Variants in BLK observed in about 807,000 individuals in gnomAD.
BLK encodes the protein tyrosine-protein kinase Blk.
A neutral mutation model predicts 61.8 loss-of-function variants in BLK; 64 were observed. The ratio of observed to expected loss-of-function variants is 1.03; its 90% CI spans 0.85 to 1.27. BLK has a LOEUF of 1.27. Among genes scored for constraint, BLK ranks in the 50% most tolerant of loss-of-function variants. The pLI, the probability that BLK is intolerant of heterozygous loss-of-function variation, is 0.00. For synonymous variants in BLK, 351 were observed against 272.0 expected (o/e 1.29, Z -2.86); for missense variants, 853 against 660.5 (o/e 1.29, Z -3.19).
At chr8:11,555,740 C>T (rs527672973) in intron 8 of BLK, 7 of 572,872 alleles carry the variant, frequency 1.2e-5, no homozygotes, top group African/African-American at 3.7e-5. Flanking sequence ...TCGCTCCCTC[C>T]TTCGTTCTCT....
At chr8:11,515,400 G>A (rs1198399632) in intron 1 of BLK, among the ~76,000 whole-genome samples, 5 of 152,184 alleles carry the variant, frequency 3.3e-5, no homozygotes, top group Non-Finnish European at 5.9e-5. Flanking sequence ...TAGTGCCAGG[G>A]GTCAGCCATG....
At chr8:11,513,689 C>T (rs1438297212) in intron 1 of BLK, among the ~76,000 whole-genome samples, 1 of 152,206 alleles carries the variant, frequency 6.6e-6, no homozygotes, top group East Asian at 1.9e-4. Flanking sequence ...TCCAGGGAGG[C>T]CTTTGAGGCA....
At chr8:11,546,929 G>A (rs1800673900) in intron 3 of BLK, among the ~76,000 whole-genome samples, 2 of 152,326 alleles carry the variant, frequency 1.3e-5, no homozygotes, top group African/African-American at 2.4e-5. Flanking sequence ...TGTAGGGAAT[G>A]AGCTCAGCCT....
chr8:11,558,175 A>G (rs1801322871), intron 10 of BLK, 137 bp downstream of exon 10: 1 of 826,772 alleles, frequency 1.2e-6, no homozygotes, highest in Non-Finnish European at 2.0e-6. Flanking sequence ...TCCTCTAGGC[A>G]GATATCCCCA....
chr8:11,501,829 G>A (rs930703916), intron 1 of BLK, among the ~76,000 whole-genome samples: 3 of 152,224 alleles, frequency 2.0e-5, no homozygotes, highest in African/African-American at 7.2e-5. Context: ...GGGGCAGGCT[G>A]CAGCCTTAGT....
intron 1 of BLK, among the ~76,000 whole-genome samples, chr8:11,502,603 C>T (rs1263476885): frequency 6.6e-6 from 1 of 152,146 alleles, no homozygotes; most frequent in African/African-American, 2.4e-5. Flanking sequence ...AGTTTTTATA[C>T]CTTAATCTTG....
At chr8:11,535,118 C>A (rs995333101) in intron 1 of BLK, among the ~76,000 whole-genome samples, 2 of 151,294 alleles carry the variant, frequency 1.3e-5, no homozygotes, top group African/African-American at 4.9e-5. Flanking sequence ...TTCAAGGCTG[C>A]AGTGAGCCAT....
At chr8:11,554,034 A>T (rs4841556) in intron 6 of BLK, 36,566 of 153,338 alleles carry the variant, frequency 0.24, 4,991 homozygotes, top group Non-Finnish European at 0.31. Flanking sequence ...TCATCTCCCA[A>T]ATAATGGGTA....
Position 11,500,189 on chromosome 8 carries a change from G to A in BLK, c.-2+5598G>A, listed in dbSNP as rs146879741. Among the ~76,000 whole-genome samples the A allele has an allele frequency of 1.3e-3, 200 of 152,166 alleles. 1 individual carries two copies. Among genetic ancestry groups the A allele is most frequent in the Non-Finnish European group, 2.4e-3 (160 of 67,982 alleles). ...TCCACCTTAGATTGATTTGGGGGGTGTTTGTTTTTGTTGTTGTTGTTTGAG... is the reference window on the plus strand; with the variant it reads ...TCCACCTTAGATTGATTTGGGGGGTATTTGTTTTTGTTGTTGTTGTTTGAG... On this transcript the variant is annotated intron_variant, in intron 1 of 12. Transcript: ENST00000259089.
In BLK at chr8:11,543,345, C is replaced by G. The variant is rs371967598; in HGVS notation, c.121C>G (p.Leu41Val). ...CAAGGACGCCCCGCCACTGCCGCCC[C>G]TGGTGAGTGATTGCCCACCCCCACC... ...QDKDAPPLPPLVVFNHLTPPP... is the reference protein window; with the variant it reads ...QDKDAPPLPPVVVFNHLTPPP... The change falls in exon 2 of 13, where the codon CTG becomes GTG. Residue 41 changes from leucine (L) to valine (V), a missense_variant and splice_region_variant. Coordinates refer to ENST00000259089, the MANE Select transcript of BLK (RefSeq NM_001715.3). The G allele has an allele frequency of 8.1e-6, 13 of 1,612,884 alleles. No individual in the cohort carries two copies. The highest frequency in any genetic ancestry group is 1.1e-5 in the South Asian group (1 of 91,064).
At chr8:11,559,416 GACTCACACACACAA>G in intron 10 of BLK, among the ~76,000 whole-genome samples, 1 of 148,150 alleles carries the variant, frequency 6.7e-6, no homozygotes, top group East Asian at 2.0e-4. Context: ...CAGACACACA[GACTCACACACACAA>G]ACTCACACAG....
At chr8:11,543,982 A>G (rs1399358994) in intron 2 of BLK, among the ~76,000 whole-genome samples, 1 of 129,676 alleles carries the variant, frequency 7.7e-6, no homozygotes, top group African/African-American at 2.8e-5. Flanking sequence ...TTTTTTTTTG[A>G]GACAGAGTCT....
At chr8:11,497,299 T>C (rs937027104) in intron 1 of BLK, among the ~76,000 whole-genome samples, 12 of 152,172 alleles carry the variant, frequency 7.9e-5, no homozygotes, top group Non-Finnish European at 2.9e-5. Context: ...GCCAGCCTGC[T>C]GCTACCCCAC....
chr8:11,543,187 T>C (rs757854895), intron 1 of BLK, 37 bp from the exon 2 acceptor site: 3 of 1,612,922 alleles, frequency 1.9e-6, no homozygotes, highest in Non-Finnish European at 2.5e-6. Context: ...GAGGCCCCGC[T>C]CTCTCATGTC....
intron 2 of BLK, among the ~76,000 whole-genome samples, chr8:11,544,838 G>A (rs6601599): frequency 0.57 from 86,300 of 151,936 alleles, 25,474 homozygotes; most frequent in East Asian, 0.99. Flanking sequence ...AAGAATATTT[G>A]TAACATATGT....
intron 1 of BLK, among the ~76,000 whole-genome samples, chr8:11,521,560 G>C (rs1257615225): frequency 6.6e-6 from 1 of 152,210 alleles, no homozygotes; most frequent in African/African-American, 2.4e-5. Context: ...CAAAGTGCTG[G>C]GATTGCAGGT....
At position 11,543,258 on chromosome 8, in the gene BLK, G is replaced by A; in HGVS notation, c.34G>A (p.Glu12Lys). 1.2e-6 allele frequency: 2 copies of A among 1,613,974 alleles called. No individual in the cohort carries two copies. Among genetic ancestry groups the A allele is most frequent in the Non-Finnish European group, 1.7e-6 (2 of 1,180,024 alleles). ...GGTAAGTAGCAAAAAGCCGGACAAG[G>A]AAAAGCCGATCAAAGAGAAGGACAA... Reference protein sequence around the residue: ...GLVSSKKPDKEKPIKEKDKGQ... With the variant: ...GLVSSKKPDKKKPIKEKDKGQ... The change falls in exon 2 of 13, where the codon GAA (glutamate) becomes AAA (lysine). Residue 12 changes from glutamate to lysine, a missense_variant. Transcript: ENST00000259089.
Position 11,559,204 on chromosome 8 carries a change from G to A in BLK, c.1029+1166G>A, listed in dbSNP as rs943552625. ...ACCTGGATGTAGCCACAGAATCGGG[G>A]GTGAGGAGCCAGAAAATCAGAACTT... On this transcript the variant is annotated intron_variant, in intron 10 of 12. Transcript: ENST00000259089. Among the ~76,000 whole-genome samples the A allele has an allele frequency of 1.1e-4, 17 of 152,216 alleles. 1 individual carries two copies. Among genetic ancestry groups the A allele is most frequent in the Middle Eastern group, 3.4e-3 (1 of 294 alleles).
At chr8:11,519,199 GA>G (rs1325495266) in intron 1 of BLK, among the ~76,000 whole-genome samples, 1 of 152,128 alleles carries the variant, frequency 6.6e-6, no homozygotes, top group African/African-American at 2.4e-5. Flanking sequence ...GGGGATAATG[GA>G]TTCCTCAAAG....
Sources: allele counts gnomAD v4.1 joint callset (sites outside exome capture counted in the v4.1 genomes callset), GRCh38; gene constraint gnomAD v4.1.1; transcripts MANE v1.5; gene names NCBI Gene and HGNC (gene_info 2026-07-23, HGNC 2026-07-21).